Variants in AUTS2 observed in about 807,000 individuals in gnomAD.
AUTS2 encodes the protein autism susceptibility gene 2 protein.
A neutral mutation model predicts 112.4 loss-of-function variants in AUTS2; 17 were observed. That is an observed-to-expected ratio of 0.15 (90% CI 0.10 to 0.23). AUTS2 has a LOEUF of 0.23. Among genes scored for constraint, AUTS2 ranks in the 10% least tolerant of loss-of-function variants. The probability of loss-of-function intolerance (pLI) is 1.00; values close to 1 mark genes in which losing one functional copy is unlikely to be tolerated. For missense variants in AUTS2, 1,510 were observed against 1,701.6 expected, an observed-to-expected ratio of 0.89 and a Z score of 1.98; for synonymous variants, 751 against 702.7, an observed-to-expected ratio of 1.07 and a Z score of -1.09.
At chr7:69,972,459 G>A (rs964765912) in intron 2 of AUTS2, among the ~76,000 whole-genome samples, 15 of 152,096 alleles carry the variant, frequency 9.9e-5, no homozygotes, top group African/African-American at 3.6e-4. Context: ...AAACTTTGAT[G>A]CAGTCCAGTG....
intron 4 of AUTS2, among the ~76,000 whole-genome samples, chr7:70,309,240 C>T (rs1345936322): frequency 1.3e-5 from 2 of 152,110 alleles, no homozygotes; most frequent in African/African-American, 4.8e-5. Context: ...TACACATAGC[C>T]TTGGAAAAAC....
chr7:69,912,808 T>C (rs554536127), intron 2 of AUTS2, among the ~76,000 whole-genome samples: 1 of 152,352 alleles, frequency 6.6e-6, no homozygotes, highest in East Asian at 1.9e-4. Context: ...AGATCTGCTC[T>C]CAGAGTCACA....
chr7:70,272,928 A>G (rs544900058), intron 4 of AUTS2, among the ~76,000 whole-genome samples: 2 of 152,306 alleles, frequency 1.3e-5, no homozygotes, highest in African/African-American at 4.8e-5. Flanking sequence ...GTTCAAGACC[A>G]ATCTAGACAA....
intron 2 of AUTS2, among the ~76,000 whole-genome samples, chr7:70,010,564 C>T (rs1202063591): frequency 6.6e-6 from 1 of 152,078 alleles, no homozygotes; most frequent in African/African-American, 2.4e-5. Context: ...TGTGATGAGC[C>T]GAGCACCTGC....
intron 2 of AUTS2, among the ~76,000 whole-genome samples, chr7:69,912,769 C>T (rs575321393): frequency 2.0e-5 from 3 of 152,172 alleles, no homozygotes; most frequent in Non-Finnish European, 2.9e-5. Flanking sequence ...AGCTTCTTGA[C>T]CCAGCCAGGA....
chr7:69,875,380 A>G (rs1416121044), intron 1 of AUTS2, among the ~76,000 whole-genome samples: 3 of 152,216 alleles, frequency 2.0e-5, no homozygotes, highest in Non-Finnish European at 2.9e-5. Context: ...TGTGGTTCAG[A>G]AGAGAAATTA....
chr7:70,293,469 G>A (rs963764925), intron 4 of AUTS2: 1 of 152,184 alleles, frequency 6.6e-6, no homozygotes. Context: ...AAATGTGAGT[G>A]ATAAAGGAGG....
At chr7:70,353,036 C>T (rs1791837514) in intron 4 of AUTS2, among the ~76,000 whole-genome samples, 1 of 152,200 alleles carries the variant, frequency 6.6e-6, no homozygotes, top group Non-Finnish European at 1.5e-5. Flanking sequence ...TACCTCTTCA[C>T]ACATTCCCGC....
intron 1 of AUTS2, among the ~76,000 whole-genome samples, chr7:69,706,256 A>G (rs929413685): frequency 3.3e-5 from 5 of 152,102 alleles, no homozygotes; most frequent in Non-Finnish European, 7.3e-5. Context: ...TGAGATTTTG[A>G]TATTGCCTAT....
intron 1 of AUTS2, among the ~76,000 whole-genome samples, chr7:69,801,810 G>A (rs1790097205): frequency 6.6e-6 from 1 of 152,170 alleles, no homozygotes; most frequent in African/African-American, 2.4e-5. Context: ...GGAAGGGAAT[G>A]TCAATAAAGA....
intron 5 of AUTS2, among the ~76,000 whole-genome samples, chr7:70,579,221 G>C (rs1035846390): frequency 1.4e-5 from 1 of 73,256 alleles, no homozygotes; most frequent in Non-Finnish European, 2.6e-5. Context: ...GAGCCATCAT[G>C]CCCAGCCTTA....
chr7:70,266,420 A>G (rs759266438), intron 4 of AUTS2, among the ~76,000 whole-genome samples: 36 of 152,154 alleles, frequency 2.4e-4, no homozygotes, highest in African/African-American at 6.5e-4. Context: ...GGGTGATGAA[A>G]TGTTCTGGAA....
Position 69,633,319 on chromosome 7 carries a change from A to C in AUTS2, c.309+33357A>C, listed in dbSNP as rs111929719. ...TTCATACACACACACACCCACCCAC[A>C]CACACACACCCCCCACAGTTTATCC... On this transcript the variant is annotated intron_variant, in intron 1 of 18. Transcript: ENST00000342771. 4.9e-3 allele frequency among the ~76,000 whole-genome samples: 746 copies of C among 151,980 alleles called. 8 individuals are homozygous for C. The highest frequency in any genetic ancestry group is 0.017 in the African/African-American group (703 of 41,446).
chr7:70,446,789 C>G (rs1346205787), intron 5 of AUTS2, among the ~76,000 whole-genome samples: 4 of 152,204 alleles, frequency 2.6e-5, no homozygotes, highest in Non-Finnish European at 5.9e-5. Context: ...CCCTGACTTC[C>G]TGCTCAGAGG....
intron 1 of AUTS2, among the ~76,000 whole-genome samples, chr7:69,832,509 TC>T (rs1377145866): frequency 3.3e-5 from 5 of 152,150 alleles, no homozygotes; most frequent in Admixed American, 6.5e-5. Context: ...CATTACAGAC[TC>T]CCCTGCTTCT....
intron 4 of AUTS2, among the ~76,000 whole-genome samples, chr7:70,428,761 A>G (rs1371371439): frequency 3.3e-5 from 5 of 152,302 alleles, no homozygotes; most frequent in East Asian, 1.9e-4. Flanking sequence ...GCCCTCCTCA[A>G]TGTCATTGTA....
At chr7:69,619,638 T>G (rs1419400599) in intron 1 of AUTS2, among the ~76,000 whole-genome samples, 1 of 152,198 alleles carries the variant, frequency 6.6e-6, no homozygotes, top group East Asian at 1.9e-4. Flanking sequence ...GTGGCCTGAT[T>G]ATCCTCTGTG....
intron 5 of AUTS2, among the ~76,000 whole-genome samples, chr7:70,670,453 T>C (rs1374605936): frequency 6.6e-6 from 1 of 152,220 alleles, no homozygotes; most frequent in African/African-American, 2.4e-5. Context: ...GTCAGCATTA[T>C]TACAGAGTGA....
intron 6 of AUTS2, among the ~76,000 whole-genome samples, chr7:70,758,538 A>G (rs551148491): frequency 6.6e-6 from 1 of 152,330 alleles, no homozygotes; most frequent in Non-Finnish European, 1.5e-5. Context: ...TTTTTACCGT[A>G]AAGTACGCAA....
Sources: gnomAD v4.1 joint callset for allele counts (sites outside exome capture counted in the v4.1 genomes callset) on GRCh38, gnomAD v4.1.1 for gene constraint, MANE v1.5 for transcripts, NCBI Gene and HGNC (gene_info 2026-07-23, HGNC 2026-07-21) for gene names.